AGAP1: variants seen among roughly 807,000 people sequenced by gnomAD.
AGAP1 encodes ArfGAP with GTPase domain, ankyrin repeat and PH domain 1.
A neutral mutation model predicts 105.3 loss-of-function variants in AGAP1; 29 were observed. The observed-to-expected ratio is 0.28, with a 90% confidence interval of 0.21 to 0.38. The LOEUF (loss-of-function observed/expected upper bound fraction) is 0.38. Ranked by LOEUF, AGAP1 falls within the 10% of genes least tolerant of loss-of-function variation. The probability of loss-of-function intolerance (pLI) is 1.00; values close to 1 mark genes in which losing one functional copy is unlikely to be tolerated. For synonymous variants in AGAP1, 509 were observed against 485.9 expected (o/e 1.05, Z -0.63); for missense variants, 998 against 1,165.1 (o/e 0.86, Z 2.09).
rs773181323 is a variant in AGAP1 at position 235,793,948 on chromosome 2, CTTTT to C, written c.674-3805_674-3802del. Among the ~76,000 whole-genome samples, 2 of 151,480 alleles carry C rather than the reference CTTTT, an allele frequency of 1.3e-5. No individual in the cohort carries two copies. The highest frequency in any genetic ancestry group is 2.4e-5 in the African/African-American group (1 of 41,210). ...TCACTTTTTTTGTTAAGTTCTTAAACTTTTTTTTTATTATTGAAGAATGGAAACA... is the reference window on the plus strand; with the variant it reads ...TCACTTTTTTTGTTAAGTTCTTAAACTTTTTATTATTGAAGAATGGAAACA... On this transcript the variant is annotated intron_variant, in intron 6 of 17. Transcript: ENST00000304032. The surrounding 1 kb of genome is among the most constrained non-coding windows in gnomAD (Gnocchi z 5.3).
intron 13 of AGAP1, among the ~76,000 whole-genome samples, chr2:236,010,609 A>C (rs1026893975): frequency 2.0e-5 from 3 of 152,216 alleles, no homozygotes; most frequent in Non-Finnish European, 1.5e-5. Flanking sequence ...AGACATCAGC[A>C]CACTTTGTCC....
intron 16 of AGAP1, among the ~76,000 whole-genome samples, chr2:236,060,842 A>T (rs2058172992): frequency 6.6e-6 from 1 of 152,206 alleles, no homozygotes. Flanking sequence ...CAGGAGGATC[A>T]CTTGAGGCCA....
At chr2:235,886,408 G>A (rs942249347) in intron 10 of AGAP1, among the ~76,000 whole-genome samples, 1 of 152,244 alleles carries the variant, frequency 6.6e-6, no homozygotes, top group Non-Finnish European at 1.5e-5. Flanking sequence ...ACAACGATAT[G>A]TATCAGAAGA....
chr2:235,790,716 C>T (rs1273299717), intron 6 of AGAP1, among the ~76,000 whole-genome samples: 1 of 152,238 alleles, frequency 6.6e-6, no homozygotes, highest in Non-Finnish European at 1.5e-5. Context: ...ACCCCAGCCC[C>T]ACTGTTGACT....
intron 13 of AGAP1, among the ~76,000 whole-genome samples, chr2:236,024,835 T>G (rs1184649037): frequency 6.6e-6 from 1 of 152,234 alleles, no homozygotes; most frequent in Admixed American, 6.5e-5. Context: ...ATTGGGCAGG[T>G]TGATTTCGAC....
intron 6 of AGAP1, among the ~76,000 whole-genome samples, chr2:235,756,541 C>T (rs1289757231): frequency 2.6e-5 from 4 of 152,146 alleles, no homozygotes; most frequent in Non-Finnish European, 5.9e-5. Context: ...TCTTCACTCC[C>T]CCTCTCCTAG....
At position 235,947,333 on chromosome 2, in the gene AGAP1, T is replaced by C. The variant is rs77598218; in HGVS notation, c.1483+16410T>C. Among the ~76,000 whole-genome samples the C allele has an allele frequency of 9.3e-3, 1,409 of 152,314 alleles. 21 individuals carry two copies. Among genetic ancestry groups the C allele is most frequent in the African/African-American group, 0.032 (1,325 of 41,556 alleles). Reference sequence around the variant, plus strand: ...AGTCAGAGCATACCATGTTTGGTTTTCCATTCCTGAGTTACTTCACTTAGA... The same window carrying C: ...AGTCAGAGCATACCATGTTTGGTTTCCCATTCCTGAGTTACTTCACTTAGA... On this transcript the variant is annotated intron_variant, in intron 12 of 17. Transcript: ENST00000304032.
At chr2:236,030,551 T>C (rs1450478327) in intron 13 of AGAP1, among the ~76,000 whole-genome samples, 1 of 152,232 alleles carries the variant, frequency 6.6e-6, no homozygotes, top group Non-Finnish European at 1.5e-5. Context: ...TCTGTTGTGC[T>C]ACCAAAGGTG....
chr2:235,924,486 C>T (rs751365038), intron 11 of AGAP1, among the ~76,000 whole-genome samples: 2 of 152,160 alleles, frequency 1.3e-5, no homozygotes, highest in African/African-American at 2.4e-5. Context: ...CTGCTCGGCC[C>T]GCTAGAAGGT....
chr2:235,656,507 A>G (rs2079968141), intron 1 of AGAP1, among the ~76,000 whole-genome samples: 1 of 152,118 alleles, frequency 6.6e-6, no homozygotes, highest in African/African-American at 2.4e-5. Context: ...CATTCCGATT[A>G]CCTGCTACCT....
At chr2:235,807,576 G>A (rs1018543282) in intron 9 of AGAP1, among the ~76,000 whole-genome samples, 10 of 152,240 alleles carry the variant, frequency 6.6e-5, no homozygotes, top group South Asian at 2.1e-4. Context: ...TATGGAGTGC[G>A]TTTCCAGGCT....
At chr2:235,674,844 G>A (rs939435767) in intron 1 of AGAP1, among the ~76,000 whole-genome samples, 4 of 151,456 alleles carry the variant, frequency 2.6e-5, no homozygotes, top group South Asian at 2.1e-4. Flanking sequence ...GCATGCCACC[G>A]CACCCAGCTA....
chr2:235,922,953 T>G (rs939750013), intron 11 of AGAP1, among the ~76,000 whole-genome samples: 1 of 152,226 alleles, frequency 6.6e-6, no homozygotes, highest in Admixed American at 6.5e-5. Flanking sequence ...TTTTGACACA[T>G]GGAAGCTTGC....
rs530855114 is a variant in AGAP1 at position 235,729,572 on chromosome 2, A to G, written c.311-11391A>G. On this transcript the variant is annotated intron_variant, in intron 3 of 17. Coordinates refer to ENST00000304032, the MANE Select transcript of AGAP1 (RefSeq NM_001037131.3). The surrounding 1 kb of genome is among the most constrained non-coding windows in gnomAD (Gnocchi z 5.0). ...ACCGGGTCTTGGTGCTTTCCAGCTC[A>G]GGGCGTTGGTCCACTTGGTTATTCT... Among the ~76,000 whole-genome samples the G allele has an allele frequency of 3.0e-4, 45 of 152,248 alleles. No individual in the cohort carries two copies. The highest frequency in any genetic ancestry group is 9.6e-4 in the African/African-American group (40 of 41,520).
intron 3 of AGAP1, among the ~76,000 whole-genome samples, chr2:235,718,201 TAAATA>T (rs1260985847): frequency 6.6e-6 from 1 of 152,216 alleles, no homozygotes; most frequent in East Asian, 1.9e-4. Flanking sequence ...TTTTTTGCCT[TAAATA>T]AAATTATGAT....
At chr2:235,949,290 T>G (rs1159508346) in intron 12 of AGAP1, among the ~76,000 whole-genome samples, 1 of 152,192 alleles carries the variant, frequency 6.6e-6, no homozygotes, top group East Asian at 1.9e-4. Flanking sequence ...TTCAGAACAT[T>G]TCGGATTTTT....
intron 1 of AGAP1, among the ~76,000 whole-genome samples, chr2:235,526,653 T>C (rs1194878451): frequency 8.2e-6 from 1 of 122,574 alleles, no homozygotes; most frequent in Non-Finnish European, 1.7e-5. Context: ...TTACAAGTAA[T>C]AAGAACTTTA....
chr2:235,904,063 A>G lies in AGAP1; in HGVS notation c.1156-4675A>G, dbSNP rs952359948. 1.3e-5 allele frequency among the ~76,000 whole-genome samples: 2 copies of G among 152,134 alleles called. No individual in the cohort carries two copies. Among genetic ancestry groups the G allele is most frequent in the East Asian group, 3.9e-4 (2 of 5,180 alleles). ...TCTCAATTGCTAGCAGGTTTCTCTC[A>G]TTGCACCTCATTTGCATCTGGGACA... On this transcript the variant is annotated intron_variant, in intron 10 of 17. Transcript: ENST00000304032. The surrounding 1 kb of genome is among the most constrained non-coding windows in gnomAD (Gnocchi z 4.2).
intron 6 of AGAP1, among the ~76,000 whole-genome samples, chr2:235,784,670 T>A (rs1051882695): frequency 6.6e-6 from 1 of 151,478 alleles, no homozygotes; most frequent in Non-Finnish European, 1.5e-5. Context: ...CCATGGCCTA[T>A]GCAAAAAAAA....
Sources: gnomAD v4.1 joint callset for allele counts (sites outside exome capture counted in the v4.1 genomes callset) on GRCh38, gnomAD v4.1.1 for gene constraint, Gnocchi (gnomAD v3.1) non-coding constraint, MANE v1.5 for transcripts, NCBI Gene and HGNC (gene_info 2026-07-23, HGNC 2026-07-21) for gene names.